The following DPYSL3 variants were observed in gnomAD, a reference collection of about 807,000 sequenced individuals.
DPYSL3 encodes the protein dihydropyrimidinase-related protein 3.
A neutral mutation model predicts 66.1 loss-of-function variants in DPYSL3; 16 were observed. That is an observed-to-expected ratio of 0.24 (90% CI 0.16 to 0.37). The LOEUF is 0.37. Ranked by LOEUF, DPYSL3 falls within the 10% of genes least tolerant of loss-of-function variation. DPYSL3 has a pLI of 1.00. For missense variants in DPYSL3, 738 were observed against 916.2 expected, an observed-to-expected ratio of 0.81 and a Z score of 2.51; for synonymous variants, 338 against 345.1, an observed-to-expected ratio of 0.98 and a Z score of 0.23.
intron 1 of DPYSL3, 119 bp from the exon 2 acceptor site, chr5:147,425,082 C>A: frequency 1.5e-6 from 1 of 684,850 alleles, no homozygotes; most frequent in South Asian, 2.0e-5. Flanking sequence ...TTACCAAAGA[C>A]ATATGTGTGC....
chr5:147,458,370 G>A (rs929518272), intron 1 of DPYSL3, among the ~76,000 whole-genome samples: 16 of 152,134 alleles, frequency 1.1e-4, no homozygotes, highest in South Asian at 8.3e-4. Flanking sequence ...TGGCAACGTC[G>A]GAAGTTACCC....
intron 1 of DPYSL3, among the ~76,000 whole-genome samples, chr5:147,502,214 C>T (rs934442938): frequency 1.3e-5 from 2 of 152,044 alleles, no homozygotes; most frequent in Admixed American, 1.3e-4. Flanking sequence ...CATGAGGGCA[C>T]CACGCTCATG....
chr5:147,499,511 G>A (rs1411922057), intron 1 of DPYSL3, among the ~76,000 whole-genome samples: 1 of 152,120 alleles, frequency 6.6e-6, no homozygotes, highest in Admixed American at 6.6e-5. Context: ...AAAAGTGTGA[G>A]ATCCATATGG....
intron 1 of DPYSL3, among the ~76,000 whole-genome samples, chr5:147,436,677 G>A (rs1170751187): frequency 6.6e-6 from 1 of 152,176 alleles, no homozygotes. Flanking sequence ...AAAGAATGTG[G>A]TAATTGCTGT....
intron 1 of DPYSL3, among the ~76,000 whole-genome samples, chr5:147,488,317 C>A (rs545608105): frequency 6.6e-6 from 1 of 152,186 alleles, no homozygotes. Flanking sequence ...GTGTTGACAG[C>A]ATGCATTGCT....
intron 1 of DPYSL3, among the ~76,000 whole-genome samples, chr5:147,462,375 ATACTT>A (rs1561796876): frequency 6.6e-5 from 10 of 152,176 alleles, no homozygotes. Flanking sequence ...TCCCAGTAGT[ATACTT>A]TATTGATAAC....
Position 147,405,645 on chromosome 5 carries a change from C to T in DPYSL3, c.1118G>A (p.Ser373Asn), listed in dbSNP as rs1031989147. 3 of 1,613,930 alleles carry T rather than the reference C, an allele frequency of 1.9e-6. No homozygotes were observed. The highest frequency in any genetic ancestry group is 2.5e-6 in the Non-Finnish European group (3 of 1,179,890). ...PLYVTKVMSK[S>N]AADLISQARK... is the part of the protein sequence containing the mutation. ...GGCTTGTGAGATGAGGTCAGCTGCACTCTTGCTCATGACCTTTGTGACGTA... is the reference window on the plus strand; with the variant it reads ...GGCTTGTGAGATGAGGTCAGCTGCATTCTTGCTCATGACCTTTGTGACGTA... The change falls in exon 8 of 14, where the codon AGT (serine) becomes AAT (asparagine). Residue 373 changes from serine to asparagine, a missense_variant. Coordinates refer to ENST00000343218, the MANE Select transcript of DPYSL3 (RefSeq NM_001197294.2).
At chr5:147,501,732 G>C (rs376563278) in intron 1 of DPYSL3, among the ~76,000 whole-genome samples, 12 of 152,200 alleles carry the variant, frequency 7.9e-5, no homozygotes, top group African/African-American at 2.6e-4. Context: ...ACCCACCTTA[G>C]CCTCCCAAAG....
rs1410556390 is a variant in DPYSL3, at chr5:147,405,725, T to C, written c.1038A>G (p.Glu346=). The C allele has an allele frequency of 6.2e-7, 1 of 1,609,978 alleles. No individual in the cohort carries two copies. Among genetic ancestry groups the C allele is most frequent in the Non-Finnish European group, 8.5e-7 (1 of 1,178,610 alleles). Residue 346 remains glutamate (E), a synonymous_variant, in exon 8 of 14, where the codon GAA becomes GAG. Transcript: ENST00000343218. Reference sequence around the variant, plus strand: ...TGATGGCACGGAACACAGCCTCAGCTTCCAGCTGCAAGAAAAAGTCTCCAG... The same window carrying C: ...TGATGGCACGGAACACAGCCTCAGCCTCCAGCTGCAAGAAAAAGTCTCCAG... ...GHVLSRPEEL[E]AEAVFRAITI... is the part of the protein sequence containing the mutation.
At chr5:147,474,916 T>C (rs1028621116) in intron 1 of DPYSL3, among the ~76,000 whole-genome samples, 3 of 152,068 alleles carry the variant, frequency 2.0e-5, no homozygotes, top group Admixed American at 6.6e-5. Flanking sequence ...TCCTTTATTT[T>C]TTGGAATCTG....
intron 1 of DPYSL3, among the ~76,000 whole-genome samples, chr5:147,485,303 T>C (rs1024456068): frequency 9.2e-5 from 14 of 152,144 alleles, no homozygotes; most frequent in Non-Finnish European, 2.1e-4. Flanking sequence ...GCTGTCTGAG[T>C]TCATGCAGTT....
At chr5:147,416,908 A>G (rs1751981856) in intron 3 of DPYSL3, among the ~76,000 whole-genome samples, 1 of 152,224 alleles carries the variant, frequency 6.6e-6, no homozygotes, top group Admixed American at 6.5e-5. Context: ...TAGAACAAAA[A>G]TGAATGCAAA....
chr5:147,430,230 T>G lies in DPYSL3; in HGVS notation c.382-5267A>C, dbSNP rs540094869. Among the ~76,000 whole-genome samples the G allele has an allele frequency of 2.0e-4, 30 of 152,070 alleles. No individual in the cohort carries two copies. In the South Asian group the frequency reaches 5.4e-3, roughly 27 times the overall value. On this transcript the variant is annotated intron_variant, in intron 1 of 13. Coordinates refer to ENST00000343218, the MANE Select transcript of DPYSL3 (RefSeq NM_001197294.2). ...AAGGATGGGGGCCAGGTGTGGCGGC[T>G]CACGCCTGTAATCCCAGCATTTTGG...
In DPYSL3 at chr5:147,399,066, C is replaced by G. The variant is rs1215586774; in HGVS notation, c.1623+16G>C. 6.2e-7 allele frequency: 1 copy of G among 1,612,970 alleles called. No homozygotes were observed. The highest frequency in any genetic ancestry group is 1.7e-5 in the Admixed American group (1 of 59,924). ...CATTCTCCATTCTACTCCACTCCCA[C>G]CAGAGCGGGCCTTACAGACTGGTGG... On this transcript the variant is annotated intron_variant, in intron 11 of 13. Coordinates refer to ENST00000343218, the MANE Select transcript of DPYSL3 (RefSeq NM_001197294.2).
intron 1 of DPYSL3, among the ~76,000 whole-genome samples, chr5:147,494,344 TTTC>T (rs1215992861): frequency 6.6e-6 from 1 of 152,048 alleles, no homozygotes; most frequent in Non-Finnish European, 1.5e-5. Context: ...GAAGAAAAGA[TTTC>T]TTTTCTTTTT....
chr5:147,460,565 C>T (rs762449382), intron 1 of DPYSL3, among the ~76,000 whole-genome samples: 4 of 152,020 alleles, frequency 2.6e-5, no homozygotes. Flanking sequence ...TCACTAGGGT[C>T]CTGATAAAGG....
intron 8 of DPYSL3, chr5:147,402,062 T>C (rs540904565): frequency 1.5e-5 from 3 of 194,204 alleles, no homozygotes; most frequent in East Asian, 3.5e-4. Flanking sequence ...GTTCCATGTA[T>C]ACCAAGGCTG....
chr5:147,435,294 ACTT>A (rs916334575), intron 1 of DPYSL3, among the ~76,000 whole-genome samples: 2 of 152,160 alleles, frequency 1.3e-5, no homozygotes, highest in Non-Finnish European at 2.9e-5. Flanking sequence ...TTTACTGAAA[ACTT>A]CTTATTTGCT....
At position 147,395,806 on chromosome 5, in the gene DPYSL3, C is replaced by T. The variant is rs1757953697; in HGVS notation, c.1804-85G>A. 6.0e-6 allele frequency: 9 copies of T among 1,503,308 alleles called. No homozygotes were observed. In the East Asian group the frequency reaches 9.1e-5, roughly 15 times the overall value. 93.1% of individuals were successfully genotyped at this position (1,503,308 alleles called of 1,614,324 possible). ...GGTATCATAAATATATTAGTGAATACAGTGTGTGGTGGGAGCTAGGAATTA... is the reference window on the plus strand; with the variant it reads ...GGTATCATAAATATATTAGTGAATATAGTGTGTGGTGGGAGCTAGGAATTA... On this transcript the variant is annotated intron_variant, in intron 12 of 13. Coordinates refer to ENST00000343218, the MANE Select transcript of DPYSL3 (RefSeq NM_001197294.2).
Sources: gnomAD v4.1 joint callset for allele counts (sites outside exome capture counted in the v4.1 genomes callset) on GRCh38, gnomAD v4.1.1 for gene constraint, MANE v1.5 for transcripts, NCBI Gene and HGNC (gene_info 2026-07-23, HGNC 2026-07-21) for gene names.